Variants in ZMAT5 observed in about 807,000 individuals in gnomAD.
ZMAT5 encodes the protein zinc finger matrin-type 5, also known as zinc finger matrin-type protein 5.
In ZMAT5, 23 loss-of-function variants were observed where a neutral mutation model predicts 28.0. The observed-to-expected ratio is 0.82, with a 90% CI of 0.59 to 1.16. ZMAT5 has a LOEUF of 1.16. Among genes scored for constraint, ZMAT5 ranks in the 50% most tolerant of loss-of-function variants. The pLI, the probability that ZMAT5 is intolerant of heterozygous loss-of-function variation, is 0.00. For missense variants in ZMAT5, 173 were observed against 212.7 expected, an observed-to-expected ratio of 0.81 and a Z score of 1.16; for synonymous variants, 76 against 84.1, an observed-to-expected ratio of 0.90 and a Z score of 0.52.
chr22:29,762,828 G>A (rs2068170543), intron 1 of ZMAT5, among the ~76,000 whole-genome samples: 1 of 152,084 alleles, frequency 6.6e-6, no homozygotes, highest in Non-Finnish European at 1.5e-5. Context: ...CACAAAACTG[G>A]TCTCTGGTGC....
At chr22:29,750,317 AAGGCTT>A (rs1323372361) in intron 1 of ZMAT5, among the ~76,000 whole-genome samples, 10 of 152,338 alleles carry the variant, frequency 6.6e-5, no homozygotes, top group Admixed American at 6.5e-4. Context: ...CAGCCAGTTC[AAGGCTT>A]AGAGAAGCCA....
chr22:29,740,541 G>T, intron 4 of ZMAT5, 109 bp downstream of exon 4: 1 of 1,196,780 alleles, frequency 8.4e-7, no homozygotes, highest in Non-Finnish European at 1.2e-6. Flanking sequence ...GGTGGCCCTT[G>T]GTTGCCAATG....
intron 5 of ZMAT5, among the ~76,000 whole-genome samples, chr22:29,734,952 A>C (rs2067890602): frequency 6.6e-6 from 1 of 152,126 alleles, no homozygotes; most frequent in Admixed American, 6.5e-5. Flanking sequence ...GAGCAGAGGG[A>C]AGGTGGGAGA....
At chr22:29,737,377 T>G (rs1458845798) in intron 5 of ZMAT5, among the ~76,000 whole-genome samples, 1 of 152,216 alleles carries the variant, frequency 6.6e-6, no homozygotes, top group Non-Finnish European at 1.5e-5. Flanking sequence ...TCTCTTTCAC[T>G]GGAGCACAGA....
At chr22:29,734,590 G>A (rs1008583750) in intron 5 of ZMAT5, among the ~76,000 whole-genome samples, 4 of 152,242 alleles carry the variant, frequency 2.6e-5, no homozygotes, top group Non-Finnish European at 4.4e-5. Flanking sequence ...CAGGAGAAGC[G>A]GGGGCTGGGA....
chr22:29,745,168 G>T (rs925867721), intron 2 of ZMAT5, among the ~76,000 whole-genome samples: 1 of 152,220 alleles, frequency 6.6e-6, no homozygotes, highest in East Asian at 1.9e-4. Flanking sequence ...AACATCTAGC[G>T]TGTAGCCAAA....
At chr22:29,736,197 T>G (rs914433849) in intron 5 of ZMAT5, among the ~76,000 whole-genome samples, 1 of 152,170 alleles carries the variant, frequency 6.6e-6, no homozygotes, top group Non-Finnish European at 1.5e-5. Context: ...TGAAGGAGTC[T>G]GGGGTGTAGG....
intron 5 of ZMAT5, among the ~76,000 whole-genome samples, chr22:29,737,499 G>A (rs181830327): frequency 6.6e-6 from 1 of 152,346 alleles, no homozygotes; most frequent in Non-Finnish European, 1.5e-5. Flanking sequence ...ATTTTGTGAA[G>A]CCACACCACA....
At chr22:29,731,569 G>A (rs2067844973) in intron 5 of ZMAT5, 3 of 533,588 alleles carry the variant, frequency 5.6e-6, no homozygotes, top group Non-Finnish European at 9.5e-6. Flanking sequence ...GTTGCAGGCA[G>A]ACATTGAGCT....
At chr22:29,757,310 G>C (rs1056016645) in intron 1 of ZMAT5, among the ~76,000 whole-genome samples, 1 of 151,054 alleles carries the variant, frequency 6.6e-6, no homozygotes, top group African/African-American at 2.4e-5. Flanking sequence ...CAGAGAGGGT[G>C]AGAGCATGCT....
intron 5 of ZMAT5, among the ~76,000 whole-genome samples, 198 bp downstream of exon 5, chr22:29,738,132 G>A (rs752864445): frequency 1.3e-5 from 2 of 152,136 alleles, no homozygotes; most frequent in Admixed American, 1.3e-4. Context: ...AGCTTTGGGA[G>A]AGGCTCTTTC....
In ZMAT5 at chr22:29,748,442, T is replaced by A. The variant is rs764411495; in HGVS notation, c.103A>T (p.Lys35Ter). Residue 35 changes from lysine to a stop codon, truncating the protein, a stop_gained, in exon 2 of 6, where the codon AAG becomes TAG. Coordinates refer to ENST00000344318, the MANE Select transcript of ZMAT5 (RefSeq NM_001003692.2). LOFTEE classifies it high-confidence loss of function. ...CCTCGGAACATGTCGTACCAGACCT[T>A]CTTGGCCTTGAGGTGCTGCAGCCCG... ...LNGLQHLKAKKVWYDMFRDAA... is the reference protein window; with the variant it reads ...LNGLQHLKAK The A allele has an allele frequency of 6.2e-7, 1 of 1,614,202 alleles. No homozygotes were observed.
intron 3 of ZMAT5, 48 bp from the exon 4 acceptor site, chr22:29,740,778 C>T: frequency 6.5e-7 from 1 of 1,545,922 alleles, no homozygotes; most frequent in Non-Finnish European, 8.8e-7. Context: ...GGGCTCCCCA[C>T]AGGGGCTGAG....
At chr22:29,740,132 T>C (rs893726364) in intron 4 of ZMAT5, among the ~76,000 whole-genome samples, 1 of 152,208 alleles carries the variant, frequency 6.6e-6, no homozygotes, top group Non-Finnish European at 1.5e-5. Context: ...CAGAACTTCC[T>C]TGTTCTCTAA....
chr22:29,757,603 C>T (rs978623374), intron 1 of ZMAT5, among the ~76,000 whole-genome samples: 4 of 152,250 alleles, frequency 2.6e-5, no homozygotes, highest in African/African-American at 7.2e-5. Context: ...AAGCCCCCAG[C>T]AATCCCACCT....
chr22:29,740,756 G>A (rs759070706), intron 3 of ZMAT5, 26 bp from the exon 4 acceptor site: 10 of 1,571,356 alleles, frequency 6.4e-6, no homozygotes, highest in East Asian at 2.3e-5. Flanking sequence ...AGAGTTACTC[G>A]CTGCTCGGGA....
At chr22:29,739,459 A>C (rs1227070260) in intron 4 of ZMAT5, among the ~76,000 whole-genome samples, 1 of 152,178 alleles carries the variant, frequency 6.6e-6, no homozygotes, top group African/African-American at 2.4e-5. Flanking sequence ...TGGGCTGTAC[A>C]GGTGTCATCT....
chr22:29,731,992 T>C (rs1192495783), intron 5 of ZMAT5, among the ~76,000 whole-genome samples: 1 of 152,156 alleles, frequency 6.6e-6, no homozygotes, highest in East Asian at 1.9e-4. Context: ...CTCACTGTCC[T>C]CCTCCTCAAC....
intron 5 of ZMAT5, among the ~76,000 whole-genome samples, chr22:29,732,666 G>A (rs1261581111): frequency 2.0e-5 from 3 of 148,922 alleles, no homozygotes; most frequent in South Asian, 4.2e-4. Context: ...CGTGGACTAA[G>A]GAGGTGGAGC....
Sources: allele counts gnomAD v4.1 joint callset (sites outside exome capture counted in the v4.1 genomes callset), GRCh38; gene constraint gnomAD v4.1.1; transcripts MANE v1.5; gene names NCBI Gene and HGNC (gene_info 2026-07-23, HGNC 2026-07-21).